STX7: variants seen among roughly 807,000 people sequenced by gnomAD.
STX7 encodes syntaxin 7.
Under a neutral mutation model 39.6 loss-of-function variants are expected in STX7, and 34 were observed. That is an observed-to-expected ratio of 0.86 (90% confidence interval 0.65 to 1.14). The LOEUF is 1.14. Among genes scored for constraint, STX7 ranks in the 50% most tolerant of loss-of-function variants. The probability of loss-of-function intolerance (pLI) is 0.00; values close to 1 mark genes in which losing one functional copy is unlikely to be tolerated. For synonymous variants in STX7, 119 were observed against 99.1 expected (o/e 1.20, Z -1.19); for missense variants, 284 against 310.4 (o/e 0.92, Z 0.64).
chr6:132,487,483 G>A (rs1432003241), intron 2 of STX7, among the ~76,000 whole-genome samples: 1 of 152,152 alleles, frequency 6.6e-6, no homozygotes, highest in African/African-American at 2.4e-5. Context: ...GTCAGGGGAT[G>A]AGGGGCAGGG....
At chr6:132,497,190 C>T (rs956611532) in intron 2 of STX7, among the ~76,000 whole-genome samples, 1 of 152,064 alleles carries the variant, frequency 6.6e-6, no homozygotes, top group South Asian at 2.1e-4. Context: ...AACACTACAA[C>T]CAGTAGAAAG....
chr6:132,507,332 GCAATA>G (rs761091519), intron 1 of STX7, among the ~76,000 whole-genome samples: 29 of 152,036 alleles, frequency 1.9e-4, no homozygotes, highest in Non-Finnish European at 3.2e-4. Flanking sequence ...TTGAGATATG[GCAATA>G]CAATACACCT....
At chr6:132,482,658 T>C (rs990320974) in intron 2 of STX7, among the ~76,000 whole-genome samples, 1 of 152,114 alleles carries the variant, frequency 6.6e-6, no homozygotes, top group Non-Finnish European at 1.5e-5. Context: ...AAAAAATAAG[T>C]GTGTCTAGAT....
intron 2 of STX7, among the ~76,000 whole-genome samples, chr6:132,487,566 C>A (rs1775170672): frequency 6.6e-6 from 1 of 152,140 alleles, no homozygotes; most frequent in Non-Finnish European, 1.5e-5. Flanking sequence ...GTAGGTGCAG[C>A]AAACCACCAT....
chr6:132,489,763 C>A (rs1775230561), intron 2 of STX7, among the ~76,000 whole-genome samples: 1 of 152,180 alleles, frequency 6.6e-6, no homozygotes, highest in African/African-American at 2.4e-5. Flanking sequence ...TTCCACAAAG[C>A]AATCTCAAAT....
At position 132,456,040 on chromosome 6, in the gene STX7, C is replaced by T. The variant is rs1428745742; in HGVS notation, c.*4718G>A. On this transcript the variant is annotated 3_prime_UTR_variant, in exon 10 of 10. Transcript: ENST00000367941. ...TCTCACCCTTCTGTCTAGTGCTTTG[C>T]CCTCTATTTGGGGCAGTAATTCTAT... 6.6e-6 allele frequency: 1 copy of T among 152,156 alleles called. No individual in the cohort carries two copies. Among genetic ancestry groups the T allele is most frequent in the African/African-American group, 2.4e-5 (1 of 41,438 alleles). The allele number at this position is 152,156 out of a possible 1,614,324, so 9.4% of individuals were successfully genotyped here. A position where few individuals can be genotyped will look rare whatever the true frequency, so the allele number is the denominator to read the frequency against.
Position 132,460,497 on chromosome 6 carries a change from G to T in STX7, c.*261C>A. ...AATAAATTATAAATGAAAGGCATAT[G>T]CAATGTGGGCAAAAACTTAACAACT... On this transcript the variant is annotated 3_prime_UTR_variant, in exon 10 of 10. Coordinates refer to ENST00000367941, the MANE Select transcript of STX7 (RefSeq NM_003569.3). The T allele has an allele frequency of 3.4e-6, 1 of 292,140 alleles. No homozygotes were observed. The highest frequency in any genetic ancestry group is 4.9e-5 in the Admixed American group (1 of 20,258). The allele number at this position is 292,140 out of a possible 1,614,324, so 18.1% of individuals were successfully genotyped here.
chr6:132,448,149 G>C lies in STX7; in HGVS notation c.*12609C>G, dbSNP rs1272350265. ...TTGGAGCACTCACACTAACTTCTAAGTGCTCCCGGACACTTTCCCCACATA... is the reference window on the plus strand; with the variant it reads ...TTGGAGCACTCACACTAACTTCTAACTGCTCCCGGACACTTTCCCCACATA... On this transcript the variant is annotated 3_prime_UTR_variant, in exon 10 of 10. Coordinates refer to ENST00000367941, the MANE Select transcript of STX7 (RefSeq NM_003569.3). 6.6e-6 allele frequency: 1 copy of C among 152,092 alleles called. No homozygotes were observed. The highest frequency in any genetic ancestry group is 1.5e-5 in the Non-Finnish European group (1 of 68,024). 9.4% of individuals were successfully genotyped at this position (152,092 alleles called of 1,614,324 possible). A position where few individuals can be genotyped will look rare whatever the true frequency, so the allele number is the denominator to read the frequency against.
intron 2 of STX7, among the ~76,000 whole-genome samples, chr6:132,477,108 T>C (rs1299837255): frequency 6.6e-6 from 1 of 152,126 alleles, no homozygotes. Context: ...ACAGAAACAC[T>C]AGAGAAGAAT....
chr6:132,486,569 C>T (rs1484165165), intron 2 of STX7, among the ~76,000 whole-genome samples: 1 of 151,760 alleles, frequency 6.6e-6, no homozygotes, highest in Non-Finnish European at 1.5e-5. Context: ...TTGTTACATC[C>T]TTTTAAAATA....
intron 1 of STX7, 76 bp from the exon 2 acceptor site, chr6:132,503,664 G>T: frequency 3.3e-6 from 2 of 599,598 alleles, no homozygotes; most frequent in Non-Finnish European, 2.8e-6. Flanking sequence ...AATCTGTGAA[G>T]TTACAAGGAC....
At position 132,471,567 on chromosome 6, in the gene STX7, C is replaced by T; in HGVS notation, c.283G>A (p.Ala95Thr). Residue 95 changes from alanine to threonine, a missense_variant, in exon 5 of 10, where the codon GCA becomes ACA. Coordinates refer to ENST00000367941, the MANE Select transcript of STX7 (RefSeq NM_003569.3). ...TTTGTCAGTGATGTTGTGAACTCTG[C>T]CACTAAGCGATCCTTCTGTATTTTC... Reference protein sequence around the residue: ...QRKIQKDRLVAEFTTSLTNFQ... With the variant: ...QRKIQKDRLVTEFTTSLTNFQ... 6.2e-7 allele frequency: 1 copy of T among 1,613,746 alleles called. No individual in the cohort carries two copies. The highest frequency in any genetic ancestry group is 8.5e-7 in the Non-Finnish European group (1 of 1,179,802).
Position 132,449,279 on chromosome 6 carries a change from C to T in STX7, c.*11479G>A, listed in dbSNP as rs913307606. 5 of 152,108 alleles carry T rather than the reference C, an allele frequency of 3.3e-5. No homozygotes were observed. Among genetic ancestry groups the T allele is most frequent in the African/African-American group, 4.8e-5 (2 of 41,398 alleles). The allele number at this position is 152,108 out of a possible 1,614,324, so 9.4% of individuals were successfully genotyped here. A position where few individuals can be genotyped will look rare whatever the true frequency, so the allele number is the denominator to read the frequency against. ...CTGGGACTACTGGTTCATGTCACCA[C>T]ATCTGGCTAATTCTTAATTTTTTTT... On this transcript the variant is annotated 3_prime_UTR_variant, in exon 10 of 10. Coordinates refer to ENST00000367941, the MANE Select transcript of STX7 (RefSeq NM_003569.3).
chr6:132,469,642 A>G (rs1774659514), intron 7 of STX7, among the ~76,000 whole-genome samples: 1 of 152,160 alleles, frequency 6.6e-6, no homozygotes, highest in Admixed American at 6.5e-5. Context: ...GTTTGAGAAC[A>G]GCCTGGCCAA....
rs960071644 is a variant in STX7, at chr6:132,457,100, C to A, written c.*3658G>T. ...GATGTTCTCAAGAGTCACAGCAGTG[C>A]CTGGGCCAGCTCCTGAGATCCACCC... On this transcript the variant is annotated 3_prime_UTR_variant, in exon 10 of 10. Coordinates refer to ENST00000367941, the MANE Select transcript of STX7 (RefSeq NM_003569.3). The A allele has an allele frequency of 6.6e-6, 1 of 152,512 alleles. No individual in the cohort carries two copies. The highest frequency in any genetic ancestry group is 1.9e-4 in the East Asian group (1 of 5,194). The allele number at this position is 152,512 out of a possible 1,614,324, so 9.4% of individuals were successfully genotyped here.
intron 2 of STX7, among the ~76,000 whole-genome samples, chr6:132,488,369 T>C (rs1466209593): frequency 5.9e-5 from 9 of 152,238 alleles, no homozygotes; most frequent in Non-Finnish European, 1.0e-4. Context: ...TGTTGTTGAA[T>C]AGACTGTTCT....
At chr6:132,504,920 A>AG (rs1775659826) in intron 1 of STX7, among the ~76,000 whole-genome samples, 1 of 152,222 alleles carries the variant, frequency 6.6e-6, no homozygotes. Flanking sequence ...AGAGACCCAG[A>AG]GCACGTGGAA....
intron 1 of STX7, among the ~76,000 whole-genome samples, chr6:132,509,358 A>G (rs1775781858): frequency 6.6e-6 from 1 of 152,034 alleles, no homozygotes; most frequent in Non-Finnish European, 1.5e-5. Context: ...AGGCTGAGGC[A>G]GGACAATCGC....
intron 2 of STX7, among the ~76,000 whole-genome samples, chr6:132,497,070 T>C (rs965006803): frequency 1.3e-5 from 2 of 152,166 alleles, no homozygotes; most frequent in African/African-American, 2.4e-5. Context: ...ACATATCCTA[T>C]GAGCCAGTAA....
Sources: allele counts gnomAD v4.1 joint callset (sites outside exome capture counted in the v4.1 genomes callset), GRCh38; gene constraint gnomAD v4.1.1; transcripts MANE v1.5; gene names NCBI Gene and HGNC (gene_info 2026-07-23, HGNC 2026-07-21).